Variants in MYT1L observed in about 807,000 individuals in gnomAD.
MYT1L encodes myelin transcription factor 1-like protein.
MYT1L carries 12 observed loss-of-function variants against 126.7 expected under a neutral mutation model. That is an observed-to-expected ratio of 0.09 (90% CI 0.06 to 0.15). MYT1L has a LOEUF of 0.15. Ranked by LOEUF, MYT1L falls within the 10% of genes least tolerant of loss-of-function variation. The pLI, the probability that MYT1L is intolerant of heterozygous loss-of-function variation, is 1.00. For synonymous variants in MYT1L, 541 were observed against 604.2 expected (o/e 0.90, Z 1.53); for missense variants, 979 against 1,585.2 (o/e 0.62, Z 6.49).
chr2:1,905,358 ATT>A (rs879390860), intron 13 of MYT1L, among the ~76,000 whole-genome samples: 1 of 145,278 alleles, frequency 6.9e-6, no homozygotes. Flanking sequence ...AAGGACAGTA[ATT>A]TTTTTTTTTT....
intron 5 of MYT1L, among the ~76,000 whole-genome samples, 185 bp downstream of exon 5, chr2:1,997,006 C>T (rs2061933372): frequency 1.4e-5 from 2 of 145,308 alleles, no homozygotes; most frequent in Non-Finnish European, 3.0e-5. Context: ...TGAGGGCCGC[C>T]CTGCTTCAGT....
intron 2 of MYT1L, among the ~76,000 whole-genome samples, chr2:2,197,276 A>G (rs2092840483): frequency 6.6e-6 from 1 of 152,178 alleles, no homozygotes; most frequent in Non-Finnish European, 1.5e-5. Flanking sequence ...TGTTTAAGGA[A>G]CATCTACTAT....
In MYT1L at chr2:2,099,531, C is replaced by T. The variant is rs1477909842; in HGVS notation, c.-303-45408G>A. The stretch of plus-strand genomic sequence containing the variant: ...TCAGCACTTGCCGTTCTGGGTCCTT[C>T]TCTAAGAAATGTTATTACCACACTT... On this transcript the variant is annotated intron_variant, in intron 3 of 24. Coordinates refer to ENST00000647738, the MANE Select transcript of MYT1L (RefSeq NM_001303052.2). Among the ~76,000 whole-genome samples, 5 of 152,208 alleles carry T rather than the reference C, an allele frequency of 3.3e-5. 1 individual carries two copies. Among genetic ancestry groups the T allele is most frequent in the Admixed American group, 6.5e-5 (1 of 15,290 alleles).
chr2:2,146,194 T>C (rs2084852165), intron 3 of MYT1L, among the ~76,000 whole-genome samples: 2 of 152,252 alleles, frequency 1.3e-5, no homozygotes, highest in African/African-American at 4.8e-5. Flanking sequence ...ATATTAATAT[T>C]ATGCAATTTG....
chr2:2,237,742 C>T (rs565614035), intron 2 of MYT1L, among the ~76,000 whole-genome samples: 20 of 152,116 alleles, frequency 1.3e-4, no homozygotes, highest in Non-Finnish European at 2.1e-4. Context: ...AAAGAGGGGG[C>T]CAGGCAGCTT....
chr2:1,987,488 ATG>A (rs1484990188), intron 5 of MYT1L, among the ~76,000 whole-genome samples: 1 of 152,112 alleles, frequency 6.6e-6, no homozygotes, highest in Non-Finnish European at 1.5e-5. Context: ...TGGGAGGGGC[ATG>A]TGCTACCCCA....
intron 2 of MYT1L, among the ~76,000 whole-genome samples, chr2:2,219,958 C>T (rs2093808258): frequency 6.7e-6 from 1 of 149,788 alleles, no homozygotes; most frequent in Non-Finnish European, 1.5e-5. Context: ...AGCCATCTTT[C>T]CCTTGCAGAG....
intron 2 of MYT1L, among the ~76,000 whole-genome samples, chr2:2,197,552 T>A (rs191804643): frequency 1.3e-5 from 2 of 151,152 alleles, no homozygotes; most frequent in Admixed American, 6.6e-5. Flanking sequence ...CATATATACA[T>A]ACATACATGC....
At position 1,880,913 on chromosome 2, in the gene MYT1L, C is replaced by T. The variant is rs1029691860; in HGVS notation, c.2711+5626G>A. On this transcript the variant is annotated intron_variant, in intron 18 of 24. Coordinates refer to ENST00000647738, the MANE Select transcript of MYT1L (RefSeq NM_001303052.2). Reference sequence around the variant, plus strand: ...TTCTTCATCAAAACCAAGACAATGGCGAGGCATAAACAGACGGACCTGCAC... The same window carrying T: ...TTCTTCATCAAAACCAAGACAATGGTGAGGCATAAACAGACGGACCTGCAC... Among the ~76,000 whole-genome samples, 17 of 152,294 alleles carry T rather than the reference C, an allele frequency of 1.1e-4. No homozygotes were observed. The South Asian group carries it at 2.1e-3, about 19-fold the overall frequency.
At chr2:2,218,169 A>G (rs2093748409) in intron 2 of MYT1L, among the ~76,000 whole-genome samples, 1 of 152,242 alleles carries the variant, frequency 6.6e-6, no homozygotes, top group South Asian at 2.1e-4. Flanking sequence ...TTGTTATAAA[A>G]GTAAGCTTAC....
rs200564543 is a variant in MYT1L at position 2,295,791 on chromosome 2, C to CAGAG, written c.-520-11292_-520-11289dup. Among the ~76,000 whole-genome samples, 410 of 100,360 alleles carry CAGAG rather than the reference C, an allele frequency of 4.1e-3. 11 individuals carry two copies. Among genetic ancestry groups the CAGAG allele is most frequent in the South Asian group, 0.018 (46 of 2,616 alleles). The allele number at this position is 100,360 out of a possible 152,430, so 65.8% of individuals were successfully genotyped here. A position where few individuals can be genotyped will look rare whatever the true frequency, so the allele number is the denominator to read the frequency against. ...ACAGAGAGAGAGATAGAGAGACAGA[C>CAGAG]AGAGAGAGAGAGAGAGAGAGAGACA... On this transcript the variant is annotated intron_variant, in intron 1 of 24. Coordinates refer to ENST00000647738, the MANE Select transcript of MYT1L (RefSeq NM_001303052.2).
At chr2:2,123,554 C>A (rs2081315293) in intron 3 of MYT1L, among the ~76,000 whole-genome samples, 1 of 152,180 alleles carries the variant, frequency 6.6e-6, no homozygotes, top group Non-Finnish European at 1.5e-5. Flanking sequence ...AAGTGTGTGG[C>A]AACTCTCCCT....
rs2071278041 is a variant in MYT1L at position 2,066,404 on chromosome 2, C to G, written c.-303-12281G>C. Among the ~76,000 whole-genome samples, 3 of 152,234 alleles carry G rather than the reference C, an allele frequency of 2.0e-5. No homozygotes were observed. In the South Asian group the frequency reaches 6.2e-4, roughly 31 times the overall value. ...ACCCTCAAGAACAGCCCCGCCTCTT[C>G]CCTGCTGTGTGATCACAGACACTCG... On this transcript the variant is annotated intron_variant, in intron 3 of 24. Transcript: ENST00000647738.
chr2:1,796,821 C>G (rs561869475), intron 23 of MYT1L, among the ~76,000 whole-genome samples: 4 of 152,142 alleles, frequency 2.6e-5, no homozygotes. Context: ...CAGGCCCCCA[C>G]GGTGGGGTCT....
At chr2:1,833,639 C>A (rs1558692084) in intron 21 of MYT1L, among the ~76,000 whole-genome samples, 1 of 152,192 alleles carries the variant, frequency 6.6e-6, no homozygotes, top group Non-Finnish European at 1.5e-5. Context: ...GCTGCTTTTA[C>A]AATCACAACA....
intron 2 of MYT1L, among the ~76,000 whole-genome samples, chr2:2,254,065 G>A (rs2094737697): frequency 6.6e-6 from 1 of 152,180 alleles, no homozygotes; most frequent in African/African-American, 2.4e-5. Flanking sequence ...TGAAAGGAAT[G>A]TTGTGCACCG....
chr2:1,858,719 A>C (rs1397553038), intron 18 of MYT1L, among the ~76,000 whole-genome samples: 1 of 152,222 alleles, frequency 6.6e-6, no homozygotes, highest in African/African-American at 2.4e-5. Flanking sequence ...ATCACTCTGC[A>C]GTTTGTAAGA....
At chr2:1,826,831 C>T (rs931527653) in intron 21 of MYT1L, 2 of 29,588 alleles carry the variant, frequency 6.8e-5, no homozygotes, top group African/African-American at 1.1e-4. Flanking sequence ...ACAGGAGTGG[C>T]GTGGGGGCAG....
intron 21 of MYT1L, among the ~76,000 whole-genome samples, chr2:1,830,505 T>TCACA (rs1485911686): frequency 6.6e-6 from 1 of 150,750 alleles, no homozygotes; most frequent in African/African-American, 2.4e-5. Flanking sequence ...CCCGAAGGGC[T>TCACA]CACAGGGAGA....
Sources: gnomAD v4.1 joint callset for allele counts (sites outside exome capture counted in the v4.1 genomes callset) on GRCh38, gnomAD v4.1.1 for gene constraint, MANE v1.5 for transcripts, NCBI Gene and HGNC (gene_info 2026-07-23, HGNC 2026-07-21) for gene names.